The following OPHN1 variants were observed in gnomAD, a reference collection of about 807,000 sequenced individuals.
OPHN1 encodes the protein oligophrenin 1, also known as oligophrenin-1.
OPHN1 carries 11 observed loss-of-function variants against 60.7 expected under a neutral mutation model. That is an observed-to-expected ratio of 0.18 (90% CI 0.11 to 0.30). OPHN1 has a LOEUF of 0.30. Ranked by LOEUF, OPHN1 falls within the 10% of genes least tolerant of loss-of-function variation. The pLI is 1.00. For missense variants in OPHN1, 449 were observed against 611.0 expected (o/e 0.73, Z 2.80); for synonymous variants, 226 against 222.6 (o/e 1.02, Z -0.14).
chrX:68,336,621 A>C (rs1314872836), intron 2 of OPHN1, among the ~76,000 whole-genome samples: 1 of 110,606 alleles, frequency 9.0e-6, no homozygotes, highest in African/African-American at 3.3e-5. Flanking sequence ...TAACCGATGT[A>C]AAAGGCAATT....
At chrX:68,109,852 A>AGTTGAATT (rs2077096880) in intron 18 of OPHN1, among the ~76,000 whole-genome samples, 2 of 110,861 alleles carry the variant, frequency 1.8e-5, no homozygotes, top group African/African-American at 6.6e-5. Context: ...ATAATACTAC[A>AGTTGAATT]CTGTTGAATA....
chrX:68,295,775 A>G (rs1372251892), intron 3 of OPHN1, among the ~76,000 whole-genome samples: 3 of 112,103 alleles, frequency 2.7e-5, no homozygotes, highest in Non-Finnish European at 3.8e-5. Flanking sequence ...GGCTTTCTCC[A>G]TGAGCTCTAG....
At chrX:68,339,186 T>C (rs1423701874) in intron 2 of OPHN1, among the ~76,000 whole-genome samples, 5 of 108,796 alleles carry the variant, frequency 4.6e-5, no homozygotes, top group Non-Finnish European at 9.5e-5. Context: ...TCACCAGATG[T>C]AGATTAAGTA....
Position 68,420,847 on chromosome X carries a change from GAA to G in OPHN1, c.154+12018_154+12019del, listed in dbSNP as rs34592755. 5.9e-3 allele frequency among the ~76,000 whole-genome samples: 383 copies of G among 64,981 alleles called. 2 individuals carry two copies. The highest frequency in any genetic ancestry group is 0.017 in the African/African-American group (331 of 19,375). 56.4% of individuals were successfully genotyped at this position (64,981 alleles called of 115,157 possible). On this transcript the variant is annotated intron_variant, in intron 2 of 24. Coordinates refer to ENST00000355520, the MANE Select transcript of OPHN1 (RefSeq NM_002547.3). ...CACAAGCTGAAAGTGATTCTCAACA[GAA>G]AAAAAAAAAAAAAAAAATCACAGTC...
chrX:68,299,694 A>G (rs1193667885), intron 2 of OPHN1, among the ~76,000 whole-genome samples: 10 of 112,323 alleles, frequency 8.9e-5, no homozygotes, highest in African/African-American at 3.2e-4. Flanking sequence ...ACCTGACCTA[A>G]GAAAGCAACG....
At chrX:68,153,986 A>ACCAAATGTTACAACATTT (rs2077297565) in intron 15 of OPHN1, among the ~76,000 whole-genome samples, 4 of 112,113 alleles carry the variant, frequency 3.6e-5, no homozygotes, top group Admixed American at 1.9e-4. Context: ...ATAATATTAA[A>ACCAAATGTTACAACATTT]GGAGGAGTTA....
At chrX:68,317,036 A>G (rs1377441243) in intron 2 of OPHN1, among the ~76,000 whole-genome samples, 1 of 110,573 alleles carries the variant, frequency 9.0e-6, no homozygotes, top group Admixed American at 9.8e-5. Flanking sequence ...CGGTGGCACA[A>G]GCCTGTAATC....
intron 2 of OPHN1, among the ~76,000 whole-genome samples, chrX:68,398,958 AAAGTGT>A (rs1438276255): frequency 3.0e-5 from 2 of 67,003 alleles, no homozygotes; most frequent in Non-Finnish European, 6.3e-5. Flanking sequence ...CAAAACAAAA[AAAGTGT>A]GTGTGTGTGT....
chrX:68,229,560 C>G (rs1232671311), intron 6 of OPHN1, among the ~76,000 whole-genome samples: 11 of 111,319 alleles, frequency 9.9e-5, no homozygotes, highest in Non-Finnish European at 2.1e-4. Context: ...GGTACCAAAA[C>G]AGATATATAG....
intron 15 of OPHN1, among the ~76,000 whole-genome samples, chrX:68,150,152 T>C (rs1327354449): frequency 1.8e-5 from 2 of 110,058 alleles, no homozygotes; most frequent in Non-Finnish European, 3.8e-5. Context: ...GTTACCAGAG[T>C]AGGAGAAAAA....
chrX:68,154,861 CCACACACACACA>C (rs60627495), intron 15 of OPHN1, among the ~76,000 whole-genome samples: 1,116 of 94,328 alleles, frequency 0.012, 21 homozygotes, highest in African/African-American at 0.04. Flanking sequence ...ATAGTACACA[CCACACACACACA>C]CACACACACA....
intron 15 of OPHN1, among the ~76,000 whole-genome samples, chrX:68,179,608 G>A (rs1278377546): frequency 9.0e-6 from 1 of 111,562 alleles, no homozygotes; most frequent in African/African-American, 3.3e-5. Context: ...CCGGCTTTGA[G>A]CAAGTATCCT....
At chrX:68,111,326 G>C (rs181132638) in intron 18 of OPHN1, among the ~76,000 whole-genome samples, 10 of 112,193 alleles carry the variant, frequency 8.9e-5, no homozygotes, top group Non-Finnish European at 1.9e-4. Context: ...CCTTTCACCT[G>C]CCTATCTCAG....
At chrX:68,308,369 T>A (rs2078156173) in intron 2 of OPHN1, among the ~76,000 whole-genome samples, 1 of 111,299 alleles carries the variant, frequency 9.0e-6, no homozygotes, top group African/African-American at 3.3e-5. Flanking sequence ...GGCAGGCAGA[T>A]CACTTGAGCT....
intron 5 of OPHN1, among the ~76,000 whole-genome samples, chrX:68,270,587 T>G (rs2077962644): frequency 1.8e-5 from 1 of 54,729 alleles, no homozygotes; most frequent in Non-Finnish European, 3.2e-5. Context: ...TGGGGCCTGT[T>G]GTGGGGTGGG....
intron 19 of OPHN1, among the ~76,000 whole-genome samples, chrX:68,086,270 AG>A (rs1282647966): frequency 9.0e-6 from 1 of 111,321 alleles, no homozygotes; most frequent in Non-Finnish European, 1.9e-5. Context: ...TAGGTGGCAC[AG>A]GATGCAAAAC....
chrX:68,258,466 G>A (rs1047328776), intron 5 of OPHN1, among the ~76,000 whole-genome samples: 2 of 89,865 alleles, frequency 2.2e-5, no homozygotes, highest in Non-Finnish European at 4.2e-5. Flanking sequence ...TCCTGTGTCC[G>A]TGTGTTCTCA....
At chrX:68,292,126 G>A (rs769061028) in intron 3 of OPHN1, among the ~76,000 whole-genome samples, 28 of 111,508 alleles carry the variant, frequency 2.5e-4, no homozygotes, top group Non-Finnish European at 4.1e-4. Flanking sequence ...TTGGGTGGCT[G>A]GGGGTTGTTC....
chrX:68,213,490 A>G (rs932664972), intron 7 of OPHN1, among the ~76,000 whole-genome samples: 2 of 111,229 alleles, frequency 1.8e-5, no homozygotes, highest in Non-Finnish European at 3.8e-5. Context: ...TGCAAGAGAC[A>G]TGAGTCCCTA....
Sources: gnomAD v4.1 joint callset for allele counts (sites outside exome capture counted in the v4.1 genomes callset) on GRCh38, gnomAD v4.1.1 for gene constraint, MANE v1.5 for transcripts, NCBI Gene and HGNC (gene_info 2026-07-23, HGNC 2026-07-21) for gene names.